Variants in PLCB1 observed in about 807,000 individuals in gnomAD.
The protein encoded by PLCB1 is phospholipase C beta 1.
Under a neutral mutation model 161.8 loss-of-function variants are expected in PLCB1, and 46 were observed. The ratio of observed to expected loss-of-function variants is 0.28; its 90% CI spans 0.22 to 0.36. The LOEUF (loss-of-function observed/expected upper bound fraction) is 0.36. Ranked by LOEUF, PLCB1 falls within the 10% of genes least tolerant of loss-of-function variation. The pLI is 1.00. For synonymous variants in PLCB1, 517 were observed against 503.7 expected (o/e 1.03, Z -0.35); for missense variants, 1,016 against 1,472.5 (o/e 0.69, Z 5.07).
chr20:8,628,456 G>C, intron 4 of PLCB1, 25 bp downstream of exon 4: 1 of 1,612,810 alleles, frequency 6.2e-7, no homozygotes, highest in Non-Finnish European at 8.5e-7. Context: ...AATTGCTAAA[G>C]CTTATCATCA....
chr20:8,701,686 G>C (rs921267634), intron 11 of PLCB1, among the ~76,000 whole-genome samples: 5 of 152,158 alleles, frequency 3.3e-5, no homozygotes, highest in African/African-American at 1.2e-4. Context: ...TCTGTCCCAA[G>C]TTCTCTTCTT....
chr20:8,238,226 T>G (rs939146282), intron 2 of PLCB1, among the ~76,000 whole-genome samples: 4 of 152,000 alleles, frequency 2.6e-5, no homozygotes, highest in African/African-American at 4.8e-5. Context: ...TAAGATAATT[T>G]GAGGAGCTGA....
chr20:8,814,400 A>G (rs561887116), intron 31 of PLCB1, among the ~76,000 whole-genome samples: 3 of 152,332 alleles, frequency 2.0e-5, no homozygotes, highest in African/African-American at 7.2e-5. Context: ...TGAAATTACA[A>G]TAGTCACTCA....
chr20:8,590,296 T>A (rs1987110106), intron 3 of PLCB1, among the ~76,000 whole-genome samples: 1 of 152,196 alleles, frequency 6.6e-6, no homozygotes, highest in African/African-American at 2.4e-5. Flanking sequence ...GAATTAATCC[T>A]GCTTTATTTT....
chr20:8,298,542 C>G (rs1406763984), intron 2 of PLCB1, among the ~76,000 whole-genome samples: 1 of 150,194 alleles, frequency 6.7e-6, no homozygotes, highest in Non-Finnish European at 1.5e-5. Context: ...TGAAAAAAAC[C>G]TTATTCACTG....
chr20:8,637,350 T>A (rs1032824223), intron 4 of PLCB1, among the ~76,000 whole-genome samples: 1 of 152,194 alleles, frequency 6.6e-6, no homozygotes, highest in East Asian at 1.9e-4. Context: ...TTTACAGGCA[T>A]AATCAGCCAA....
intron 23 of PLCB1, among the ~76,000 whole-genome samples, chr20:8,755,462 G>A (rs941519754): frequency 6.6e-6 from 1 of 152,164 alleles, no homozygotes; most frequent in South Asian, 2.1e-4. Context: ...CAGGGACTTG[G>A]AAGGCAATTC....
chr20:8,419,845 A>T (rs1979464669), intron 3 of PLCB1, among the ~76,000 whole-genome samples: 2 of 152,148 alleles, frequency 1.3e-5, no homozygotes, highest in Admixed American at 6.6e-5. Context: ...TTATACATCC[A>T]ATCTTCTTAT....
chr20:8,232,872 T>A (rs1381420073), intron 2 of PLCB1, among the ~76,000 whole-genome samples: 1 of 152,192 alleles, frequency 6.6e-6, no homozygotes, highest in African/African-American at 2.4e-5. Context: ...GCAGGCATGG[T>A]CCAATACCCT....
At chr20:8,367,631 C>G (rs939852725) in intron 2 of PLCB1, among the ~76,000 whole-genome samples, 1 of 152,190 alleles carries the variant, frequency 6.6e-6, no homozygotes. Flanking sequence ...TCTGTAGTCT[C>G]TCTCTCAAAG....
At chr20:8,361,207 A>G (rs931207861) in intron 2 of PLCB1, among the ~76,000 whole-genome samples, 4 of 152,348 alleles carry the variant, frequency 2.6e-5, no homozygotes, top group Admixed American at 1.3e-4. Context: ...GCTTTAATCT[A>G]CAGTGATATT....
chr20:8,880,905 C>T (rs1600112273), intron 31 of PLCB1: 2 of 116,594 alleles, frequency 1.7e-5, no homozygotes, highest in East Asian at 2.9e-4. Flanking sequence ...CTCACTCTGT[C>T]GCCCAGACTG....
chr20:8,151,216 G>T (rs1434537595), intron 2 of PLCB1, among the ~76,000 whole-genome samples: 1 of 152,162 alleles, frequency 6.6e-6, no homozygotes, highest in Non-Finnish European at 1.5e-5. Context: ...CAATAGAATA[G>T]TAATAGTATA....
intron 3 of PLCB1, among the ~76,000 whole-genome samples, chr20:8,591,535 A>C (rs370422446): frequency 6.6e-6 from 1 of 152,228 alleles, no homozygotes; most frequent in African/African-American, 2.4e-5. Context: ...ATTTAAATTC[A>C]GTATAAATTC....
rs1033524115 is a variant in PLCB1 at position 8,685,798 on chromosome 20, C to CA, written c.1009+725dup. ...GTTCAAGGTAGGACAGGGCTTTAGA[C>CA]AAAAACAAATTGACCTGTGAATGAC... On this transcript the variant is annotated intron_variant, in intron 10 of 31. Coordinates refer to ENST00000338037, the MANE Select transcript of PLCB1 (RefSeq NM_015192.4). Among the ~76,000 whole-genome samples, 9 of 151,692 alleles carry CA rather than the reference C, an allele frequency of 5.9e-5. No homozygotes were observed. In the South Asian group the frequency reaches 1.0e-3, roughly 18 times the overall value.
intron 1 of PLCB1, among the ~76,000 whole-genome samples, chr20:8,137,605 A>T (rs1460526379): frequency 2.6e-5 from 4 of 152,184 alleles, no homozygotes; most frequent in Admixed American, 6.5e-5. Context: ...GAAACTTTTT[A>T]AAAAATCAGT....
chr20:8,469,961 C>T lies in PLCB1; in HGVS notation c.246+98511C>T, dbSNP rs374348909. 9.9e-5 allele frequency among the ~76,000 whole-genome samples: 15 copies of T among 152,200 alleles called. No individual in the cohort carries two copies. The South Asian group carries it at 1.5e-3, about 15-fold the overall frequency. On this transcript the variant is annotated intron_variant, in intron 3 of 31. Coordinates refer to ENST00000338037, the MANE Select transcript of PLCB1 (RefSeq NM_015192.4). Reference sequence around the variant, plus strand: ...CTCAATTCACTCTGCCCTTTGCAACCGCTAATTTACTTTCTGTCTCCATGG... The same window carrying T: ...CTCAATTCACTCTGCCCTTTGCAACTGCTAATTTACTTTCTGTCTCCATGG...
In PLCB1 at chr20:8,744,396, T is replaced by C. The variant is rs573080421; in HGVS notation, c.2523+2823T>C. Among the ~76,000 whole-genome samples, 17 of 152,178 alleles carry C rather than the reference T, an allele frequency of 1.1e-4. No homozygotes were observed. The East Asian group carries it at 3.3e-3, about 29-fold the overall frequency. ...CAACACTACCATATTTCAGCCTACT[T>C]TTTCTATTGTCTGACTCACATGTTC... On this transcript the variant is annotated intron_variant, in intron 23 of 31. Transcript: ENST00000338037.
chr20:8,467,106 A>AT (rs1981856680), intron 3 of PLCB1, among the ~76,000 whole-genome samples: 1 of 151,676 alleles, frequency 6.6e-6, no homozygotes, highest in Non-Finnish European at 1.5e-5. Flanking sequence ...TGCCCAACTA[A>AT]TTTTTTGTAT....
Sources: allele counts gnomAD v4.1 joint callset (sites outside exome capture counted in the v4.1 genomes callset), GRCh38; gene constraint gnomAD v4.1.1; transcripts MANE v1.5; gene names NCBI Gene and HGNC (gene_info 2026-07-23, HGNC 2026-07-21).